Variants in NPAS3 observed in about 807,000 individuals in gnomAD.
The protein encoded by NPAS3 is neuronal PAS domain-containing protein 3.
NPAS3 carries 14 observed loss-of-function variants against 73.1 expected under a neutral mutation model. That is an observed-to-expected ratio of 0.19 (90% CI 0.13 to 0.30). NPAS3 has a LOEUF of 0.30. Ranked by LOEUF, NPAS3 falls within the 10% of genes least tolerant of loss-of-function variation. NPAS3 has a pLI of 1.00. For synonymous variants in NPAS3, 620 were observed against 541.5 expected (o/e 1.14, Z -2.01); for missense variants, 1,096 against 1,250.0 (o/e 0.88, Z 1.86).
intron 1 of NPAS3, among the ~76,000 whole-genome samples, chr14:32,961,409 CAAA>C (rs555007306): frequency 8.7e-5 from 5 of 57,300 alleles, no homozygotes; most frequent in Non-Finnish European, 7.3e-5. Flanking sequence ...GACTTCATCT[CAAA>C]AAAAAAAAAA....
intron 2 of NPAS3, among the ~76,000 whole-genome samples, chr14:33,175,922 C>T (rs1015750659): frequency 5.9e-5 from 9 of 151,862 alleles, no homozygotes; most frequent in Non-Finnish European, 1.3e-4. Flanking sequence ...AAAACAACAA[C>T]AACAAAAAAA....
At chr14:33,122,439 C>T (rs915852545) in intron 2 of NPAS3, among the ~76,000 whole-genome samples, 12 of 152,088 alleles carry the variant, frequency 7.9e-5, no homozygotes. Flanking sequence ...GACATTGCCA[C>T]ATAAATCGAT....
chr14:33,623,281 G>A (rs1437737499), intron 5 of NPAS3, among the ~76,000 whole-genome samples: 1 of 152,190 alleles, frequency 6.6e-6, no homozygotes, highest in Non-Finnish European at 1.5e-5. Context: ...GTGGATGACA[G>A]TATCCCAGTA....
chr14:33,466,947 G>A (rs1566928694), intron 4 of NPAS3, among the ~76,000 whole-genome samples: 1 of 152,138 alleles, frequency 6.6e-6, no homozygotes, highest in African/African-American at 2.4e-5. Flanking sequence ...ACTCCTTGAA[G>A]GAGGTAATAA....
At chr14:33,259,926 G>T (rs1449337645) in intron 3 of NPAS3, among the ~76,000 whole-genome samples, 1 of 151,442 alleles carries the variant, frequency 6.6e-6, no homozygotes, top group Non-Finnish European at 1.5e-5. Context: ...GACTCACTCA[G>T]TGGGGATATG....
At chr14:32,974,607 C>T (rs542127695) in intron 1 of NPAS3, among the ~76,000 whole-genome samples, 1 of 152,146 alleles carries the variant, frequency 6.6e-6, no homozygotes, top group Non-Finnish European at 1.5e-5. Flanking sequence ...ATTGGTTTAA[C>T]AACCAAACAA....
chr14:33,723,985 G>A lies in NPAS3; in HGVS notation c.734-11229G>A, dbSNP rs752897439. Among the ~76,000 whole-genome samples, 59 of 152,108 alleles carry A rather than the reference G, an allele frequency of 3.9e-4. 1 individual carries two copies. The highest frequency in any genetic ancestry group is 6.8e-3 in the Middle Eastern group (2 of 294). On this transcript the variant is annotated intron_variant, in intron 6 of 11. Coordinates refer to ENST00000356141, the Ensembl canonical transcript of NPAS3. ...TTTTTTTACCTTATCTTTAGCACGC[G>A]TAGCACGATCAAACCTTGGGCTTTA...
chr14:33,051,702 TAA>T (rs1324014297), intron 1 of NPAS3, among the ~76,000 whole-genome samples: 2 of 152,192 alleles, frequency 1.3e-5, no homozygotes, highest in Non-Finnish European at 1.5e-5. Context: ...AGGTGAAAAC[TAA>T]AAGTTATACG....
chr14:33,403,895 A>G (rs1286623608), intron 4 of NPAS3, among the ~76,000 whole-genome samples: 1 of 152,028 alleles, frequency 6.6e-6, no homozygotes, highest in Non-Finnish European at 1.5e-5. Context: ...ATCAATAAGA[A>G]CTATAAATTA....
At chr14:33,587,691 T>A (rs1173046398) in intron 5 of NPAS3, among the ~76,000 whole-genome samples, 1 of 152,240 alleles carries the variant, frequency 6.6e-6, no homozygotes. Context: ...GGTGTATACC[T>A]GTAGTATACT....
chr14:33,629,349 A>G lies in NPAS3; in HGVS notation c.559-46862A>G, dbSNP rs185504784. On this transcript the variant is annotated intron_variant, in intron 5 of 11. Coordinates refer to ENST00000356141, the Ensembl canonical transcript of NPAS3. ...TATGCATTGCTATAGGAAGAAAGAGAAATAAGTGAGGATCATTATCAGAAT... is the reference window on the plus strand; with the variant it reads ...TATGCATTGCTATAGGAAGAAAGAGGAATAAGTGAGGATCATTATCAGAAT... 1.7e-3 allele frequency among the ~76,000 whole-genome samples: 265 copies of G among 152,322 alleles called. 1 individual carries two copies. The highest frequency in any genetic ancestry group is 6.2e-3 in the African/African-American group (256 of 41,576).
intron 4 of NPAS3, among the ~76,000 whole-genome samples, chr14:33,490,273 T>G (rs1259173433): frequency 6.6e-6 from 1 of 152,198 alleles, no homozygotes; most frequent in Non-Finnish European, 1.5e-5. Flanking sequence ...TCATAGCTTT[T>G]CTGTTTTATA....
At chr14:33,794,759 G>T (rs1175241838) in intron 10 of NPAS3, among the ~76,000 whole-genome samples, 2 of 152,028 alleles carry the variant, frequency 1.3e-5, no homozygotes, top group Non-Finnish European at 2.9e-5. Flanking sequence ...CCCCTTCCCA[G>T]TCTACATTCT....
At chr14:33,756,847 A>G (rs960729509) in intron 7 of NPAS3, among the ~76,000 whole-genome samples, 1 of 152,216 alleles carries the variant, frequency 6.6e-6, no homozygotes, top group Non-Finnish European at 1.5e-5. Flanking sequence ...CAAGAGAGCA[A>G]TCCCTGGTAG....
chr14:33,184,580 G>A (rs1386642792), intron 2 of NPAS3, among the ~76,000 whole-genome samples: 1 of 152,144 alleles, frequency 6.6e-6, no homozygotes, highest in Admixed American at 6.5e-5. Flanking sequence ...CAGTGAAATG[G>A]GGTGACAAAG....
chr14:33,306,760 C>A (rs1366561588), intron 3 of NPAS3, among the ~76,000 whole-genome samples: 1 of 152,080 alleles, frequency 6.6e-6, no homozygotes, highest in Non-Finnish European at 1.5e-5. Flanking sequence ...AGTTTATTAA[C>A]CTGGCCTAAT....
chr14:33,563,622 G>A (rs1318015861), intron 5 of NPAS3, among the ~76,000 whole-genome samples: 1 of 151,666 alleles, frequency 6.6e-6, no homozygotes, highest in Non-Finnish European at 1.5e-5. Flanking sequence ...GGTTATAGAA[G>A]TATGCACTGT....
At chr14:33,607,567 AC>A (rs2057612399) in intron 5 of NPAS3, among the ~76,000 whole-genome samples, 1 of 151,868 alleles carries the variant, frequency 6.6e-6, no homozygotes, top group African/African-American at 2.4e-5. Flanking sequence ...GTTGAGGGAG[AC>A]TTTTGTTCAT....
intron 4 of NPAS3, among the ~76,000 whole-genome samples, chr14:33,396,111 A>G (rs2047212084): frequency 6.6e-6 from 1 of 152,154 alleles, no homozygotes; most frequent in Admixed American, 6.5e-5. Flanking sequence ...GGGATAGTGA[A>G]GACTTTGTGA....
Sources: gnomAD v4.1 joint callset for allele counts (sites outside exome capture counted in the v4.1 genomes callset) on GRCh38, gnomAD v4.1.1 for gene constraint, MANE v1.5 for transcripts, NCBI Gene and HGNC (gene_info 2026-07-23, HGNC 2026-07-21) for gene names.